ZNF117: variants seen among roughly 807,000 people sequenced by gnomAD.
The protein encoded by ZNF117 is zinc finger protein 117, also known as Krueppel-related zinc finger protein.
In ZNF117, 37 loss-of-function variants were observed where a neutral mutation model predicts 41.2. The observed-to-expected ratio is 0.90, with a 90% CI of 0.69 to 1.18. The LOEUF (loss-of-function observed/expected upper bound fraction) is 1.18, where lower values mean the gene tolerates loss of function less well. ZNF117 is among the 50% of genes most tolerant of loss of function. The probability of loss-of-function intolerance (pLI) is 0.00; values close to 1 mark genes in which losing one functional copy is unlikely to be tolerated. For synonymous variants in ZNF117, 186 were observed against 186.6 expected, an observed-to-expected ratio of 1.00 and a Z score of 0.02; for missense variants, 546 against 557.5, an observed-to-expected ratio of 0.98 and a Z score of 0.21.
exon 2 of ZNF117, chr7:64,981,451 G>A: frequency 6.2e-7 from 1 of 1,611,888 alleles, no homozygotes; most frequent in Non-Finnish European, 8.5e-7. Context: ...GCTCCAGACA[G>A]GTAATCAGGT....
downstream of ZNF117, chr7:64,972,811 G>C (rs1785803559): frequency 6.6e-6 from 1 of 152,044 alleles, no homozygotes; most frequent in Non-Finnish European, 1.5e-5. Context: ...CCACAAAAAT[G>C]TTAACGATGT....
upstream of ZNF117, among the ~76,000 whole-genome samples, chr7:64,982,300 AC>A (rs1272445592): frequency 6.6e-6 from 1 of 152,194 alleles, no homozygotes; most frequent in African/African-American, 2.4e-5. Context: ...GTATTATCTA[AC>A]CCTGAGAAAA....
upstream of ZNF117, among the ~76,000 whole-genome samples, chr7:64,983,555 G>T (rs1289178311): frequency 6.6e-6 from 1 of 151,882 alleles, no homozygotes; most frequent in Non-Finnish European, 1.5e-5. Context: ...AGTGGACACA[G>T]CTCTCTATCT....
Position 64,982,093 on chromosome 7 carries a change from C to T in ZNF117, c.-172G>A. ...ACTCCTCCAAAGAGAATTCTATGGC[C>T]ACATCCATAAATGTCAATGGTCCCT... On this transcript the variant is annotated 5_prime_UTR_variant, in exon 1 of 3. It introduces an in-frame stop codon into an upstream open reading frame of the 5' UTR. Coordinates refer to ENST00000620222, the Ensembl canonical transcript of ZNF117. The T allele has an allele frequency of 2.1e-6, 2 of 966,788 alleles. No individual in the cohort carries two copies. Among genetic ancestry groups the T allele is most frequent in the Non-Finnish European group, 3.3e-6 (2 of 612,264 alleles). 59.9% of individuals were successfully genotyped at this position (966,788 alleles called of 1,614,324 possible).
rs1786044046 is a variant in ZNF117 at position 64,982,020 on chromosome 7, A to C, written c.-99T>G. On this transcript the variant is annotated 5_prime_UTR_variant, in exon 1 of 3. An upstream open reading frame in the 5' UTR loses its in-frame stop. Coordinates refer to ENST00000620222, the Ensembl canonical transcript of ZNF117. The stretch of plus-strand genomic sequence containing the variant: ...AAAACCAGGTTTCTGTAGTTCTCTC[A>C]CATCACATGCCTATATAAATTCTGC... The C allele has an allele frequency of 2.6e-6, 2 of 778,058 alleles. No individual in the cohort carries two copies. Among genetic ancestry groups the C allele is most frequent in the African/African-American group, 3.5e-5 (2 of 56,708 alleles). The allele number at this position is 778,058 out of a possible 1,614,324, so 48.2% of individuals were successfully genotyped here. A position where few individuals can be genotyped will look rare whatever the true frequency, so the allele number is the denominator to read the frequency against.
chr7:64,986,883 A>G (rs1243851579), upstream of ZNF117, among the ~76,000 whole-genome samples: 1 of 152,206 alleles, frequency 6.6e-6, no homozygotes, highest in Non-Finnish European at 1.5e-5. Context: ...ACTATTAGAC[A>G]CATTTTTGAG....
Position 64,975,530 on chromosome 7 carries a change from G to A in ZNF117, c.*2589C>T, listed in dbSNP as rs1452948531. The A allele has an allele frequency of 1.3e-5, 2 of 151,830 alleles. 1 individual carries two copies. Among genetic ancestry groups the A allele is most frequent in the African/African-American group, 4.8e-5 (2 of 41,356 alleles). The allele number at this position is 151,830 out of a possible 1,614,324, so 9.4% of individuals were successfully genotyped here. ...AAAATATTGCCCACCTAACAAAAAA[G>A]AATGTCTCATATCTTTGATGAAGCA... On this transcript the variant is annotated 3_prime_UTR_variant, in exon 3 of 3. Coordinates refer to ENST00000620222, the Ensembl canonical transcript of ZNF117.
At chr7:64,986,012 A>G (rs941208614), upstream of ZNF117, among the ~76,000 whole-genome samples, 7 of 151,928 alleles carry the variant, frequency 4.6e-5, no homozygotes. Flanking sequence ...GTGGAGAATA[A>G]GGCTTCTTAT....
chr7:64,979,213 T>C (rs747726342), exon 3 of ZNF117: 1 of 1,609,724 alleles, frequency 6.2e-7, no homozygotes, highest in Non-Finnish European at 8.5e-7. Flanking sequence ...TGTGAAAGCA[T>C]GCAAAATGTT....
At position 64,978,675 on chromosome 7, in the gene ZNF117, T is replaced by C. The variant is rs775974685; in HGVS notation, c.896A>G (p.His299Arg). 3.7e-6 allele frequency: 6 copies of C among 1,613,000 alleles called. No homozygotes were observed. In the South Asian group the frequency reaches 6.6e-5, roughly 18 times the overall value. ...ACATTTGTAGGGCTTCTCTCCACTA[T>C]GAATTCTCTTATGTGTAGTAAGGGT... The change falls in exon 3 of 3, where the codon CAT becomes CGT. Residue 299 changes from histidine (H) to arginine (R), a missense_variant. His to Arg is a conservative substitution (Grantham distance 29, BLOSUM62 0). Coordinates refer to ENST00000620222, the Ensembl canonical transcript of ZNF117.
upstream of ZNF117, among the ~76,000 whole-genome samples, chr7:64,982,724 T>A (rs1176999292): frequency 6.6e-6 from 1 of 152,188 alleles, no homozygotes; most frequent in African/African-American, 2.4e-5. Flanking sequence ...AAGGCAGATA[T>A]ACGCACAGAA....
chr7:64,971,804 T>A (rs767202009), downstream of ZNF117: 1 of 151,938 alleles, frequency 6.6e-6, no homozygotes, highest in Non-Finnish European at 1.5e-5. Flanking sequence ...TTATTTAACC[T>A]CAAAATCCAA....
upstream of ZNF117, among the ~76,000 whole-genome samples, chr7:64,984,215 T>A (rs1261287447): frequency 6.6e-6 from 1 of 152,150 alleles, no homozygotes; most frequent in African/African-American, 2.4e-5. Context: ...CACTGCAGCC[T>A]CCACCTCCAG....
rs565077758 is a variant in ZNF117, at chr7:64,976,574, C to A, written c.*1545G>T. On this transcript the variant is annotated 3_prime_UTR_variant, in exon 3 of 3. Transcript: ENST00000620222. ...TGGCTTTTCCACATTTATATTTGTA[C>A]AATTTTTCTGAAGTGCTTTCCTGTG... 29 of 201,046 alleles carry A rather than the reference C, an allele frequency of 1.4e-4. No individual in the cohort carries two copies. In the South Asian group the frequency reaches 2.3e-3, roughly 16 times the overall value. 12.5% of individuals were successfully genotyped at this position (201,046 alleles called of 1,614,324 possible).
chr7:64,982,782 T>C (rs1001181844), upstream of ZNF117, among the ~76,000 whole-genome samples: 3 of 152,174 alleles, frequency 2.0e-5, no homozygotes, highest in Admixed American at 2.0e-4. Context: ...ATGGTTTACA[T>C]GCACATCAGC....
downstream of ZNF117, chr7:64,974,387 G>A (rs527521857): frequency 6.6e-6 from 1 of 151,874 alleles, no homozygotes; most frequent in Non-Finnish European, 1.5e-5. Flanking sequence ...TGAATCATAA[G>A]TCAGAAGATT....
Position 64,978,105 on chromosome 7 carries a change from A to G in ZNF117, c.*14T>C, listed in dbSNP as rs775338085. 5 of 1,600,328 alleles carry G rather than the reference A, an allele frequency of 3.1e-6. No individual in the cohort carries two copies. In the African/African-American group the frequency reaches 4.0e-5, roughly 13 times the overall value. On this transcript the variant is annotated 3_prime_UTR_variant, in exon 3 of 3. Transcript: ENST00000620222. ...TCCAGTATGAATTTTCTTGTGTTCA[A>G]TGAGTTTTGAGGATCAGGTAGAAGC...
chr7:64,978,185 T>C lies in ZNF117; in HGVS notation c.1386A>G (p.Thr462=). 4 of 1,612,824 alleles carry C rather than the reference T, an allele frequency of 2.5e-6. 1 individual carries two copies. The South Asian group carries it at 3.3e-5, about 13-fold the overall frequency. Residue 462 remains threonine, a synonymous_variant, in exon 3 of 3, where the codon ACA becomes ACG. Coordinates refer to ENST00000620222, the Ensembl canonical transcript of ZNF117. ...TCTCTTCAGTATGAATTATCTTATG[T>C]GTAGTAAGTGTTGAAGATTGGTTAA...
chr7:64,977,517 G>C (rs1785917072), exon 3 of ZNF117: 4 of 525,708 alleles, frequency 7.6e-6, no homozygotes, highest in South Asian at 5.9e-5. Context: ...TTTATGTATA[G>C]TAAGAGTTGA....
Sources: allele counts gnomAD v4.1 joint callset (sites outside exome capture counted in the v4.1 genomes callset), GRCh38; gene constraint gnomAD v4.1.1; transcripts MANE v1.5; gene names NCBI Gene and HGNC (gene_info 2026-07-23, HGNC 2026-07-21).